PDGFD: variants seen among roughly 807,000 people sequenced by gnomAD.
PDGFD encodes the protein platelet-derived growth factor D.
In PDGFD, 30 loss-of-function variants were observed where a neutral mutation model predicts 44.7. That is an observed-to-expected ratio of 0.67 (90% CI 0.50 to 0.91). The LOEUF is 0.91. Among genes scored for constraint, PDGFD ranks in the 40% least tolerant of loss-of-function variants. The pLI is 0.00. For synonymous variants in PDGFD, 173 were observed against 168.4 expected (o/e 1.03, Z -0.21); for missense variants, 445 against 457.8 (o/e 0.97, Z 0.25).
At chr11:104,041,847 A>C (rs566766651) in intron 1 of PDGFD, among the ~76,000 whole-genome samples, 5 of 152,218 alleles carry the variant, frequency 3.3e-5, no homozygotes, top group African/African-American at 7.2e-5. Context: ...CGATGTTTGC[A>C]GGTATAAATT....
intron 1 of PDGFD, chr11:104,037,325 C>A: frequency 6.2e-7 from 1 of 1,613,844 alleles, no homozygotes; most frequent in Non-Finnish European, 8.5e-7. Context: ...CCTCCCTTGG[C>A]GGAAGCCCTG....
chr11:104,109,934 C>T (rs182209274), intron 1 of PDGFD, among the ~76,000 whole-genome samples: 3 of 152,038 alleles, frequency 2.0e-5, no homozygotes, highest in East Asian at 3.9e-4. Flanking sequence ...TTTTTCCTGG[C>T]CTTAACTTTC....
rs1044366328 is a variant in PDGFD at position 104,061,757 on chromosome 11, G to A, written c.125-61502C>T. 1.6e-4 allele frequency among the ~76,000 whole-genome samples: 24 copies of A among 152,132 alleles called. 1 individual carries two copies. The highest frequency in any genetic ancestry group is 4.6e-4 in the African/African-American group (19 of 41,438). On this transcript the variant is annotated intron_variant, in intron 1 of 6. Transcript: ENST00000393158. ...TGAGTGGCTGGGATTATAGGTGCAT[G>A]CCACCATGCCTGACTAATTTTTTTA... is the stretch of plus-strand genomic sequence containing the variant.
chr11:104,096,658 G>A (rs1449265008), intron 1 of PDGFD, among the ~76,000 whole-genome samples: 2 of 152,148 alleles, frequency 1.3e-5, no homozygotes, highest in East Asian at 3.9e-4. Flanking sequence ...TATTACATAG[G>A]GGTTTCTGGA....
At chr11:104,062,428 G>A (rs1034273466) in intron 1 of PDGFD, among the ~76,000 whole-genome samples, 11 of 152,096 alleles carry the variant, frequency 7.2e-5, no homozygotes, top group African/African-American at 2.2e-4. Flanking sequence ...TTCTGAACTC[G>A]AAGTATGTGA....
rs1226397323 is a variant in PDGFD, at chr11:103,950,897, AT to A, written c.511-3174del. ...TAGATTTCATATCTATCCTTAGTAA[AT>A]TCTGTGATTTCAGTTCATTTCCTTG... On this transcript the variant is annotated intron_variant, in intron 3 of 6. Transcript: ENST00000393158. 2.0e-5 allele frequency among the ~76,000 whole-genome samples: 3 copies of A among 152,154 alleles called. No individual in the cohort carries two copies. The East Asian group carries it at 5.8e-4, about 29-fold the overall frequency.
chr11:104,153,337 A>G (rs1438716130), intron 1 of PDGFD, among the ~76,000 whole-genome samples: 1 of 152,204 alleles, frequency 6.6e-6, no homozygotes, highest in East Asian at 1.9e-4. Flanking sequence ...AGCTTCTCCA[A>G]TGTGCCAGCC....
Position 103,999,917 on chromosome 11 carries a change from C to T in PDGFD, c.329+134G>A, listed in dbSNP as rs1859595005. ...TATCTTGTCTGTTAGGGTCTTTAGG[C>T]TTTTTGAAAAAGAAGCGACACATGT... On this transcript the variant is annotated intron_variant, in intron 2 of 6. Coordinates refer to ENST00000393158, the MANE Select transcript of PDGFD (RefSeq NM_025208.5). 3 of 693,534 alleles carry T rather than the reference C, an allele frequency of 4.3e-6. No homozygotes were observed. The East Asian group carries it at 8.4e-5, about 19-fold the overall frequency. The allele number at this position is 693,534 out of a possible 1,614,324, so 43.0% of individuals were successfully genotyped here. A position where few individuals can be genotyped will look rare whatever the true frequency, so the allele number is the denominator to read the frequency against.
chr11:103,943,809 T>C (rs763109331), intron 4 of PDGFD, among the ~76,000 whole-genome samples, 159 bp from the exon 5 acceptor site: 1 of 152,196 alleles, frequency 6.6e-6, no homozygotes, highest in Non-Finnish European at 1.5e-5. Flanking sequence ...TCTTGCCATA[T>C]TCTTGGATAA....
chr11:103,910,655 A>T (rs1380596308), intron 6 of PDGFD, among the ~76,000 whole-genome samples: 2 of 152,332 alleles, frequency 1.3e-5, no homozygotes, highest in Non-Finnish European at 2.9e-5. Flanking sequence ...CTGGGTTTCA[A>T]GCACAAAACT....
Position 103,939,150 on chromosome 11 carries a change from T to C in PDGFD, c.772+4302A>G, listed in dbSNP as rs545610116. 5.9e-5 allele frequency among the ~76,000 whole-genome samples: 9 copies of C among 152,290 alleles called. No individual in the cohort carries two copies. In the South Asian group the frequency reaches 1.9e-3, roughly 32 times the overall value. Reference sequence around the variant, plus strand: ...AATCTATAAATTACCTTGGGCAGTATGGCCATTTTCACGATATTGATTATT... The same window carrying C: ...AATCTATAAATTACCTTGGGCAGTACGGCCATTTTCACGATATTGATTATT... On this transcript the variant is annotated intron_variant, in intron 5 of 6. Coordinates refer to ENST00000393158, the MANE Select transcript of PDGFD (RefSeq NM_025208.5).
chr11:104,063,484 A>C (rs1041456654), intron 1 of PDGFD, among the ~76,000 whole-genome samples: 4 of 152,200 alleles, frequency 2.6e-5, no homozygotes, highest in Non-Finnish European at 5.9e-5. Context: ...CACTAAATCC[A>C]GCACCATCAA....
chr11:104,087,670 A>G (rs927585974), intron 1 of PDGFD, among the ~76,000 whole-genome samples: 2 of 152,198 alleles, frequency 1.3e-5, no homozygotes, highest in Non-Finnish European at 2.9e-5. Context: ...TTCCCTAAAC[A>G]ACTATTCGGA....
At chr11:103,911,765 C>T (rs1213406791) in intron 6 of PDGFD, among the ~76,000 whole-genome samples, 2 of 152,010 alleles carry the variant, frequency 1.3e-5, no homozygotes, top group African/African-American at 4.8e-5. Context: ...CTAGAATAAT[C>T]AGTGTAGAGA....
chr11:104,138,411 T>C (rs1271719097), intron 1 of PDGFD, among the ~76,000 whole-genome samples: 1 of 152,230 alleles, frequency 6.6e-6, no homozygotes, highest in East Asian at 1.9e-4. Context: ...AGATTAATTT[T>C]GTTTCCCAGT....
intron 5 of PDGFD, among the ~76,000 whole-genome samples, chr11:103,929,323 T>G (rs1046949146): frequency 6.6e-6 from 1 of 152,164 alleles, no homozygotes; most frequent in Non-Finnish European, 1.5e-5. Flanking sequence ...ATGAGGGCTG[T>G]ACTGGACTTT....
chr11:104,032,214 A>C (rs921189828), intron 1 of PDGFD, among the ~76,000 whole-genome samples: 1 of 152,198 alleles, frequency 6.6e-6, no homozygotes. Context: ...TGAATAAATA[A>C]ATAAATAAAT....
intron 1 of PDGFD, among the ~76,000 whole-genome samples, chr11:104,021,947 T>G (rs1859960427): frequency 6.6e-6 from 1 of 152,094 alleles, no homozygotes; most frequent in Non-Finnish European, 1.5e-5. Flanking sequence ...AAAAACCCAT[T>G]AATTTCACAA....
intron 1 of PDGFD, among the ~76,000 whole-genome samples, chr11:104,061,948 A>AAACTAACTCATT (rs111606983): frequency 6.6e-6 from 1 of 151,844 alleles, no homozygotes; most frequent in African/African-American, 2.4e-5. Context: ...TACAACTCGA[A>AAACTAACTCATT]GAAGTTCAAG....
Sources: gnomAD v4.1 joint callset for allele counts (sites outside exome capture counted in the v4.1 genomes callset) on GRCh38, gnomAD v4.1.1 for gene constraint, MANE v1.5 for transcripts, NCBI Gene and HGNC (gene_info 2026-07-23, HGNC 2026-07-21) for gene names.